RANBP2: variants seen among roughly 807,000 people sequenced by gnomAD.
The protein encoded by RANBP2 is RAN binding protein 2.
RANBP2 carries 57 observed loss-of-function variants against 303.6 expected under a neutral mutation model. The observed-to-expected ratio is 0.19, with a 90% CI of 0.15 to 0.23. The LOEUF (loss-of-function observed/expected upper bound fraction) is 0.23. RANBP2 is among the 10% of genes least tolerant of loss of function. RANBP2 has a pLI of 1.00. For synonymous variants in RANBP2, 1,167 were observed against 1,301.5 expected, an observed-to-expected ratio of 0.90 and a Z score of 2.23; for missense variants, 3,138 against 3,780.8, an observed-to-expected ratio of 0.83 and a Z score of 4.46.
Position 108,775,950 on chromosome 2 carries a change from T to C in RANBP2, c.8497+14T>C, listed in dbSNP as rs1677861854. 7 of 1,594,116 alleles carry C rather than the reference T, an allele frequency of 4.4e-6. No homozygotes were observed. Among genetic ancestry groups the C allele is most frequent in the Admixed American group, 3.4e-5 (2 of 59,686 alleles). ...CTACAAGCCAAGGTAAATCTTGATA[T>C]ATGTTTATCATGTGTTACATAAGGG... On this transcript the variant is annotated intron_variant, in intron 24 of 28. Coordinates refer to ENST00000283195, the MANE Select transcript of RANBP2 (RefSeq NM_006267.5).
intron 8 of RANBP2, 66 bp downstream of exon 8, chr2:108,746,864 T>C (rs566075733): frequency 2.3e-5 from 14 of 611,388 alleles, no homozygotes; most frequent in Non-Finnish European, 3.9e-5. Flanking sequence ...GCATATCTTA[T>C]GATAAAATCT....
chr2:109,088,489 G>A, the RANBP2 span, among the ~76,000 whole-genome samples: 162 of 151,670 alleles, frequency 1.1e-3, no homozygotes, highest in Non-Finnish European at 1.8e-3. Flanking sequence ...AGGGTAGGGA[G>A]CCAGGAAACA....
At chr2:109,630,785 G>C in the RANBP2 span, among the ~76,000 whole-genome samples, 1 of 152,214 alleles carries the variant, frequency 6.6e-6, no homozygotes, top group Admixed American at 6.5e-5. Flanking sequence ...CAAGATTGAG[G>C]CTGGGCGCGG....
chr2:108,755,292 T>C, intron 17 of RANBP2, 33 bp downstream of exon 17: 1 of 1,611,556 alleles, frequency 6.2e-7, no homozygotes, highest in South Asian at 1.1e-5. Flanking sequence ...CTGTACTTTT[T>C]ATTCCAAGAT....
the RANBP2 span, among the ~76,000 whole-genome samples, chr2:109,079,843 CAGGCAGAGGGG>C: frequency 7.2e-5 from 11 of 152,188 alleles, no homozygotes; most frequent in Non-Finnish European, 1.6e-4. Context: ...GTGGGAACTC[CAGGCAGAGGGG>C]AGGCCTGAAA....
the RANBP2 span, among the ~76,000 whole-genome samples, chr2:109,550,176 G>A: frequency 1.3e-5 from 2 of 151,758 alleles, no homozygotes; most frequent in East Asian, 3.9e-4. Context: ...TATAATCCCA[G>A]CTACTCGGGA....
the RANBP2 span, among the ~76,000 whole-genome samples, chr2:109,563,854 C>T: frequency 6.6e-6 from 1 of 152,080 alleles, no homozygotes; most frequent in African/African-American, 2.4e-5. Flanking sequence ...GGTATGGAGG[C>T]TCACATTTGT....
chr2:109,237,865 G>C, the RANBP2 span, among the ~76,000 whole-genome samples: 1 of 152,174 alleles, frequency 6.6e-6, no homozygotes, highest in African/African-American at 2.4e-5. Flanking sequence ...GAACAACTTG[G>C]ATATTATTAA....
the RANBP2 span, chr2:108,839,321 TTATC>T: frequency 3.1e-6 from 5 of 1,595,232 alleles, no homozygotes; most frequent in African/African-American, 2.7e-5. Flanking sequence ...TAATAGGAAT[TTATC>T]TATAAGTAAT....
the RANBP2 span, chr2:108,897,363 AC>A: frequency 2.3e-6 from 2 of 873,948 alleles, no homozygotes; most frequent in Non-Finnish European, 3.6e-6. Flanking sequence ...GCAGAAAGCC[AC>A]CTAAAACAAA....
At chr2:109,144,219 C>T in the RANBP2 span, among the ~76,000 whole-genome samples, 1 of 152,172 alleles carries the variant, frequency 6.6e-6, no homozygotes, top group Non-Finnish European at 1.5e-5. Flanking sequence ...ACGAAGGTAA[C>T]CACGTGAGGT....
At chr2:109,056,415 C>T in the RANBP2 span, among the ~76,000 whole-genome samples, 28 of 151,984 alleles carry the variant, frequency 1.8e-4, no homozygotes, top group African/African-American at 6.5e-4. Flanking sequence ...GTGTTCCTCC[C>T]GTCTCGGCCT....
chr2:108,749,188 A>G, intron 9 of RANBP2, 59 bp downstream of exon 9: 2 of 1,609,934 alleles, frequency 1.2e-6, no homozygotes. Flanking sequence ...ATTGCCCATA[A>G]TCTTATTACC....
chr2:108,948,909 G>C, the RANBP2 span, among the ~76,000 whole-genome samples: 12 of 152,104 alleles, frequency 7.9e-5, no homozygotes, highest in Admixed American at 2.0e-4. Context: ...CTTGAGGCCA[G>C]GAGTTCAAGA....
At chr2:109,339,331 G>A in the RANBP2 span, among the ~76,000 whole-genome samples, 4 of 152,176 alleles carry the variant, frequency 2.6e-5, no homozygotes, top group Non-Finnish European at 5.9e-5. Flanking sequence ...TGTATATATA[G>A]TAAGATGATG....
chr2:108,854,441 G>T, the RANBP2 span, among the ~76,000 whole-genome samples: 1 of 151,988 alleles, frequency 6.6e-6, no homozygotes, highest in Non-Finnish European at 1.5e-5. Context: ...TTTAATGAGA[G>T]AATTGATGTA....
At chr2:109,605,620 T>C in the RANBP2 span, 3 of 152,174 alleles carry the variant, frequency 2.0e-5, no homozygotes, top group Non-Finnish European at 4.4e-5. Flanking sequence ...AGCTAAATAA[T>C]ATCTGTATAA....
the RANBP2 span, among the ~76,000 whole-genome samples, chr2:108,795,809 T>C: frequency 6.6e-6 from 1 of 152,122 alleles, no homozygotes; most frequent in Non-Finnish European, 1.5e-5. Context: ...TATTAGCCTG[T>C]CTGGAAGAAA....
At position 108,719,530 on chromosome 2, in the gene RANBP2, C is replaced by T. The variant is rs1359503652; in HGVS notation, c.-77C>T. Reference sequence around the variant, plus strand: ...GCGCTGCGTCACTGGTTTGCAGGCGCTTTCCTCTTGGAAGTGGCGACTGCT... The same window carrying T: ...GCGCTGCGTCACTGGTTTGCAGGCGTTTTCCTCTTGGAAGTGGCGACTGCT... On this transcript the variant is annotated 5_prime_UTR_variant, in exon 1 of 29. Transcript: ENST00000283195. The T allele has an allele frequency of 6.4e-7, 1 of 1,553,014 alleles. No individual in the cohort carries two copies. The highest frequency in any genetic ancestry group is 2.4e-5 in the East Asian group (1 of 41,750).
Sources: allele counts gnomAD v4.1 joint callset (sites outside exome capture counted in the v4.1 genomes callset), GRCh38; gene constraint gnomAD v4.1.1; transcripts MANE v1.5; gene names NCBI Gene and HGNC (gene_info 2026-07-23, HGNC 2026-07-21).